The following RYR3 variants were observed in gnomAD, a reference collection of about 807,000 sequenced individuals.
RYR3 encodes ryanodine receptor 3, also known as brain ryanodine receptor-calcium release channel.
In RYR3, 207 loss-of-function variants were observed where a neutral mutation model predicts 584.3. The observed-to-expected ratio is 0.35, with a 90% CI of 0.32 to 0.40. The LOEUF (loss-of-function observed/expected upper bound fraction) is 0.40, where lower values mean the gene tolerates loss of function less well. Among genes scored for constraint, RYR3 ranks in the 10% least tolerant of loss-of-function variants. The probability of loss-of-function intolerance (pLI) is 1.00; values close to 1 mark genes in which losing one functional copy is unlikely to be tolerated. For missense variants in RYR3, 5,616 were observed against 6,089.2 expected, an observed-to-expected ratio of 0.92 and a Z score of 2.59; for synonymous variants, 2,416 against 2,248.5, an observed-to-expected ratio of 1.07 and a Z score of -2.11.
At chr15:33,624,821 A>G (rs778647720) in intron 20 of RYR3, among the ~76,000 whole-genome samples, 3 of 152,344 alleles carry the variant, frequency 2.0e-5, no homozygotes, top group African/African-American at 7.2e-5. Flanking sequence ...ATAAATGAAA[A>G]GAGACCATGC....
rs372642829 is a variant in RYR3 at position 33,369,580 on chromosome 15, ATCTGTCTGTCTG to A, written c.51+58500_51+58511del. 1.5e-4 allele frequency among the ~76,000 whole-genome samples: 23 copies of A among 151,660 alleles called. No homozygotes were observed. The South Asian group carries it at 4.2e-3, about 28-fold the overall frequency. On this transcript the variant is annotated intron_variant, in intron 1 of 103. Transcript: ENST00000634891. ...CAGTTTGTAATTCCTTCATCTATCT[ATCTGTCTGTCTG>A]TCTGTCTGTCTGTCTATCCATCCAT...
At chr15:33,317,776 C>T (rs1968400362) in intron 1 of RYR3, among the ~76,000 whole-genome samples, 1 of 152,144 alleles carries the variant, frequency 6.6e-6, no homozygotes, top group Non-Finnish European at 1.5e-5. Flanking sequence ...GCACTTTTCC[C>T]CTCCTCTGGC....
chr15:33,591,364 C>T (rs1257123792), intron 16 of RYR3, among the ~76,000 whole-genome samples: 1 of 152,130 alleles, frequency 6.6e-6, no homozygotes, highest in African/African-American at 2.4e-5. Flanking sequence ...TCTGTAAGTT[C>T]CTCTGTGGTA....
intron 1 of RYR3, chr15:33,465,877 C>G (rs2048447379): frequency 4.2e-6 from 2 of 479,494 alleles, no homozygotes; most frequent in Admixed American, 4.1e-5. Context: ...ATGTTTCTCT[C>G]TTCCTCCCTT....
At chr15:33,551,814 A>G (rs927548322) in intron 10 of RYR3, among the ~76,000 whole-genome samples, 9 of 152,154 alleles carry the variant, frequency 5.9e-5, no homozygotes, top group African/African-American at 2.2e-4. Context: ...TATTTAGTGA[A>G]TATTTTTGCC....
chr15:33,349,373 T>A (rs1972901881), intron 1 of RYR3, among the ~76,000 whole-genome samples: 1 of 152,176 alleles, frequency 6.6e-6, no homozygotes, highest in Non-Finnish European at 1.5e-5. Context: ...CCAAAGTGGC[T>A]GCACCATTTT....
chr15:33,434,188 G>T (rs1198165893), intron 1 of RYR3, among the ~76,000 whole-genome samples: 1 of 152,184 alleles, frequency 6.6e-6, no homozygotes, highest in Non-Finnish European at 1.5e-5. Context: ...CTGAGAGAGA[G>T]CCCATCAAAC....
chr15:33,794,236 T>C (rs1229432518), intron 67 of RYR3, among the ~76,000 whole-genome samples: 11 of 80,762 alleles, frequency 1.4e-4, no homozygotes, highest in Non-Finnish European at 1.6e-4. Flanking sequence ...TATATAAATA[T>C]ATATTTATGT....
At chr15:33,688,864 C>G (rs2065204745) in intron 38 of RYR3, among the ~76,000 whole-genome samples, 1 of 152,106 alleles carries the variant, frequency 6.6e-6, no homozygotes, top group Admixed American at 6.6e-5. Flanking sequence ...ATCCGGCAAT[C>G]CCATTACTGG....
intron 1 of RYR3, among the ~76,000 whole-genome samples, chr15:33,350,225 A>G (rs918535473): frequency 6.6e-6 from 1 of 152,136 alleles, no homozygotes; most frequent in Non-Finnish European, 1.5e-5. Flanking sequence ...CTAAATATAT[A>G]TGCACCCAAT....
rs776432469 is a variant in RYR3 at position 33,819,823 on chromosome 15, C to G, written c.10758+16C>G. The G allele has an allele frequency of 2.5e-6, 4 of 1,581,142 alleles. No homozygotes were observed. Among genetic ancestry groups the G allele is most frequent in the Non-Finnish European group, 3.5e-6 (4 of 1,159,002 alleles). On this transcript the variant is annotated intron_variant, in intron 77 of 103. Coordinates refer to ENST00000634891, the MANE Select transcript of RYR3 (RefSeq NM_001036.6). ...GATGGCCAAGGTACACCCAGGTTTT[C>G]TGCCCATTGTCTCTGTCTTTCTGTC...
intron 1 of RYR3, among the ~76,000 whole-genome samples, chr15:33,432,698 TTAAAG>T (rs199722657): frequency 1.5e-4 from 12 of 77,522 alleles, no homozygotes; most frequent in Non-Finnish European, 2.1e-4. Context: ...GTGTGTGTGT[TTAAAG>T]TAGAGATGGG....
Position 33,731,616 on chromosome 15 carries a change from T to C in RYR3, c.7346T>C (p.Ile2449Thr). Reference protein sequence around the residue: ...TSLIDSTLQTIYRLSKGRSLT... With the variant: ...TSLIDSTLQTTYRLSKGRSLT... The stretch of plus-strand genomic sequence containing the variant: ...CTGATTGATTCCACACTGCAGACAA[T>C]ATACAGGCTATCCAAGGGACGTTCC... The change falls in exon 48 of 104, where the codon ATA (isoleucine) becomes ACA (threonine). Residue 2449 changes from isoleucine to threonine, a missense_variant. Around this residue, in one of 9 missense-constraint regions of RYR3, gnomAD observed 1,280 missense variants for 1,426.2 expected, o/e 0.90. Transcript: ENST00000634891. 6.2e-7 allele frequency: 1 copy of C among 1,613,856 alleles called. No individual in the cohort carries two copies. The highest frequency in any genetic ancestry group is 8.5e-7 in the Non-Finnish European group (1 of 1,179,754).
At chr15:33,451,457 T>C (rs1467645446) in intron 1 of RYR3, among the ~76,000 whole-genome samples, 2 of 148,648 alleles carry the variant, frequency 1.3e-5, no homozygotes, top group African/African-American at 5.0e-5. Flanking sequence ...AAAAGGAACC[T>C]AAATTTTGGG....
chr15:33,772,494 C>T (rs544757966), intron 63 of RYR3, among the ~76,000 whole-genome samples: 1 of 152,090 alleles, frequency 6.6e-6, no homozygotes, highest in South Asian at 2.1e-4. Flanking sequence ...CAGATTTGCT[C>T]CTGGGTTTTT....
chr15:33,718,459 T>C (rs2067661285), intron 43 of RYR3, among the ~76,000 whole-genome samples: 1 of 152,210 alleles, frequency 6.6e-6, no homozygotes, highest in Non-Finnish European at 1.5e-5. Flanking sequence ...TCTCATGGCA[T>C]GTACAGTCTA....
At chr15:33,590,792 C>T (rs1488131194) in intron 16 of RYR3, among the ~76,000 whole-genome samples, 1 of 152,126 alleles carries the variant, frequency 6.6e-6, no homozygotes, top group Non-Finnish European at 1.5e-5. Context: ...TATAATTTTA[C>T]ATCTCATAGG....
In RYR3 at chr15:33,771,906, T is replaced by C. The variant is rs1221465327; in HGVS notation, c.8817-14T>C. 4 of 1,586,284 alleles carry C rather than the reference T, an allele frequency of 2.5e-6. No individual in the cohort carries two copies. Among genetic ancestry groups the C allele is most frequent in the East Asian group, 2.2e-5 (1 of 44,540 alleles). On this transcript the variant is annotated splice_polypyrimidine_tract_variant and intron_variant, in intron 62 of 103. Transcript: ENST00000634891. ...CAGATTATGCTTCTAGATTTGAACA[T>C]TGTTTGCTTGCAGGACTGTCATGAA...
chr15:33,482,058 A>G (rs560183449), intron 2 of RYR3, among the ~76,000 whole-genome samples: 2 of 152,210 alleles, frequency 1.3e-5, no homozygotes, highest in Admixed American at 6.5e-5. Context: ...CTCTAGATCC[A>G]GATTTCTATC....
Sources: allele counts gnomAD v4.1 joint callset (sites outside exome capture counted in the v4.1 genomes callset), GRCh38; gene constraint gnomAD v4.1.1; regional missense constraint gnomAD v4.1.1; transcripts MANE v1.5; gene names NCBI Gene and HGNC (gene_info 2026-07-23, HGNC 2026-07-21).